EYS: variants seen among roughly 807,000 people sequenced by gnomAD.
EYS encodes protein eyes shut homolog.
In EYS, 250 loss-of-function variants were observed where a neutral mutation model predicts 282.1. The ratio of observed to expected loss-of-function variants is 0.89; its 90% confidence interval spans 0.80 to 0.98. The LOEUF is 0.98. EYS is among the 50% of genes least tolerant of loss of function. The pLI, the probability that EYS is intolerant of heterozygous loss-of-function variation, is 0.00. For missense variants in EYS, 4,016 were observed against 3,709.0 expected (o/e 1.08, Z -2.15); for synonymous variants, 1,355 against 1,282.9 (o/e 1.06, Z -1.20).
intron 33 of EYS, among the ~76,000 whole-genome samples, chr6:64,063,015 C>T (rs1321698960): frequency 6.6e-6 from 1 of 152,188 alleles, no homozygotes; most frequent in African/African-American, 2.4e-5. Context: ...TTTGCCATTG[C>T]CTTCCATGAC....
chr6:63,875,162 T>C (rs534533124), intron 35 of EYS, among the ~76,000 whole-genome samples: 3 of 152,340 alleles, frequency 2.0e-5, no homozygotes, highest in Non-Finnish European at 2.9e-5. Flanking sequence ...ACCTAGTTTA[T>C]TGAGAGTTTT....
intron 36 of EYS, among the ~76,000 whole-genome samples, chr6:63,834,108 T>C (rs1486253779): frequency 6.6e-6 from 1 of 152,130 alleles, no homozygotes; most frequent in Non-Finnish European, 1.5e-5. Flanking sequence ...ATAAAAACTC[T>C]AGAAGAAAAC....
intron 26 of EYS, among the ~76,000 whole-genome samples, chr6:64,564,268 C>CT (rs4034161): frequency 0.2 from 11,692 of 58,724 alleles, 4,202 homozygotes; most frequent in Middle Eastern, 0.34. Context: ...ATCTTTTGTC[C>CT]TTTTTTTTTT....
chr6:64,270,558 G>T (rs962527823), intron 30 of EYS, among the ~76,000 whole-genome samples: 1 of 152,038 alleles, frequency 6.6e-6, no homozygotes, highest in African/African-American at 2.4e-5. Flanking sequence ...GAAAATGAAA[G>T]ATTTATATGC....
intron 13 of EYS, among the ~76,000 whole-genome samples, chr6:65,007,899 A>G (rs753657225): frequency 6.6e-6 from 1 of 152,222 alleles, no homozygotes; most frequent in Admixed American, 6.5e-5. Flanking sequence ...TTGATCTGAC[A>G]TGGAGAGATA....
At chr6:64,070,754 T>C (rs2149858985) in intron 32 of EYS, among the ~76,000 whole-genome samples, 1 of 152,232 alleles carries the variant, frequency 6.6e-6, no homozygotes, top group South Asian at 2.1e-4. Context: ...TATTGAATTT[T>C]ATTGCATCTC....
chr6:64,657,850 G>A (rs992474052), intron 22 of EYS, among the ~76,000 whole-genome samples: 10 of 151,996 alleles, frequency 6.6e-5, no homozygotes, highest in African/African-American at 1.9e-4. Context: ...TGCTCTTCTC[G>A]AGGAGTATCT....
At chr6:65,494,637 A>G in intron 4 of EYS, 26 bp downstream of exon 4, 2 of 1,518,844 alleles carry the variant, frequency 1.3e-6, no homozygotes, top group East Asian at 2.5e-5. Context: ...TATTTTAATA[A>G]AATTATATAT....
Position 65,539,292 on chromosome 6 carries a change from C to T in EYS, c.-332-43299G>A, listed in dbSNP as rs115439766. ...ACATTTTTGGAAATGCACTAGGAGA[C>T]GAAGTTCTTCTGCCATCTTTGTTCC... On this transcript the variant is annotated intron_variant, in intron 2 of 42. Transcript: ENST00000503581. Among the ~76,000 whole-genome samples the T allele has an allele frequency of 5.9e-3, 903 of 152,238 alleles. 6 individuals carry two copies. The highest frequency in any genetic ancestry group is 0.01 in the Middle Eastern group (3 of 294).
intron 22 of EYS, among the ~76,000 whole-genome samples, chr6:64,756,175 T>C (rs1276692279): frequency 6.6e-6 from 1 of 152,198 alleles, no homozygotes; most frequent in Non-Finnish European, 1.5e-5. Context: ...TATATGAAAA[T>C]TTTGTTTCAC....
chr6:63,769,831 C>T (rs1380088176), intron 40 of EYS, among the ~76,000 whole-genome samples: 1 of 151,798 alleles, frequency 6.6e-6, no homozygotes, highest in African/African-American at 2.4e-5. Flanking sequence ...TTTTCTTGTA[C>T]TTAGGCAAGT....
At chr6:64,413,239 T>C (rs758235551) in intron 28 of EYS, among the ~76,000 whole-genome samples, 15 of 152,124 alleles carry the variant, frequency 9.9e-5, no homozygotes, top group Non-Finnish European at 1.5e-4. Flanking sequence ...TGTCAGATAG[T>C]GCCTTCTACA....
At chr6:65,610,068 T>C (rs928010415) in intron 2 of EYS, among the ~76,000 whole-genome samples, 3 of 151,980 alleles carry the variant, frequency 2.0e-5, no homozygotes, top group Non-Finnish European at 4.4e-5. Context: ...CTGGCTAGTT[T>C]TTTCATTTTT....
At chr6:65,035,433 T>G (rs1772736897) in intron 13 of EYS, among the ~76,000 whole-genome samples, 1 of 151,828 alleles carries the variant, frequency 6.6e-6, no homozygotes, top group Admixed American at 6.6e-5. Context: ...ATACAGAAAA[T>G]TCCATAGTCT....
At position 64,581,478 on chromosome 6, in the gene EYS, T is replaced by A. The variant is rs1464980875; in HGVS notation, c.5644+8745A>T. 2.6e-5 allele frequency among the ~76,000 whole-genome samples: 4 copies of A among 152,148 alleles called. No individual in the cohort carries two copies. In the East Asian group the frequency reaches 7.7e-4, roughly 29 times the overall value. On this transcript the variant is annotated intron_variant, in intron 26 of 42. Coordinates refer to ENST00000503581, the MANE Select transcript of EYS (RefSeq NM_001142800.2). ...TGGTCTTTATCTAATCATTTTATGG[T>A]ATTTTATTTGCTGTTTAATGTCATT...
At chr6:64,367,524 C>A (rs375292798) in intron 29 of EYS, among the ~76,000 whole-genome samples, 11 of 151,476 alleles carry the variant, frequency 7.3e-5, no homozygotes, top group African/African-American at 9.7e-5. Context: ...ACACAGATAC[C>A]AGAGAGTGTG....
intron 26 of EYS, among the ~76,000 whole-genome samples, chr6:64,557,430 A>AT (rs1458409911): frequency 2.6e-5 from 4 of 151,888 alleles, no homozygotes; most frequent in Non-Finnish European, 5.9e-5. Context: ...AAAACATGTT[A>AT]TTTTTGATAT....
chr6:64,151,651 C>T (rs1271962209), intron 31 of EYS, among the ~76,000 whole-genome samples: 5 of 151,900 alleles, frequency 3.3e-5, no homozygotes, highest in African/African-American at 7.2e-5. Context: ...TGAGCCACCG[C>T]GCCCTGCCAA....
At chr6:64,700,110 T>C (rs1463211585) in intron 22 of EYS, among the ~76,000 whole-genome samples, 2 of 151,970 alleles carry the variant, frequency 1.3e-5, no homozygotes, top group Non-Finnish European at 2.9e-5. Context: ...ATTCCCCACA[T>C]AAACGGAATT....
Sources: gnomAD v4.1 joint callset for allele counts (sites outside exome capture counted in the v4.1 genomes callset) on GRCh38, gnomAD v4.1.1 for gene constraint, MANE v1.5 for transcripts, NCBI Gene and HGNC (gene_info 2026-07-23, HGNC 2026-07-21) for gene names.